Variants in APBB1IP observed in about 807,000 individuals in gnomAD.
APBB1IP encodes amyloid beta A4 precursor protein-binding family B member 1-interacting protein.
A neutral mutation model predicts 64.9 loss-of-function variants in APBB1IP; 27 were observed. That is an observed-to-expected ratio of 0.42 (90% confidence interval 0.31 to 0.57). The LOEUF (loss-of-function observed/expected upper bound fraction) is 0.57, where lower values mean the gene tolerates loss of function less well. APBB1IP is among the 20% of genes least tolerant of loss of function. APBB1IP has a pLI of 0.20. For missense variants in APBB1IP, 812 were observed against 845.5 expected, an observed-to-expected ratio of 0.96 and a Z score of 0.49; for synonymous variants, 392 against 331.0, an observed-to-expected ratio of 1.18 and a Z score of -2.00.
intron 11 of APBB1IP, among the ~76,000 whole-genome samples, chr10:26,555,251 T>C (rs1021807476): frequency 6.6e-6 from 1 of 152,164 alleles, no homozygotes; most frequent in Non-Finnish European, 1.5e-5. Context: ...TGTTTTAAAA[T>C]GTCCAGTGCC....
At chr10:26,460,156 A>T (rs1480021808) in intron 2 of APBB1IP, among the ~76,000 whole-genome samples, 2 of 152,248 alleles carry the variant, frequency 1.3e-5, no homozygotes, top group African/African-American at 4.8e-5. Flanking sequence ...CACTCTCTGT[A>T]AAGTTACTGA....
chr10:26,478,361 T>C (rs1588577841), intron 2 of APBB1IP, among the ~76,000 whole-genome samples: 1 of 151,688 alleles, frequency 6.6e-6, no homozygotes, highest in Non-Finnish European at 1.5e-5. Flanking sequence ...ATGGAGGCGG[T>C]TGAGAAGGTA....
At chr10:26,443,934 AG>A (rs2132391897) in intron 2 of APBB1IP, among the ~76,000 whole-genome samples, 1 of 152,376 alleles carries the variant, frequency 6.6e-6, no homozygotes, top group South Asian at 2.1e-4. Context: ...AAAGAGACAA[AG>A]ATCCCTGCAT....
At chr10:26,555,349 C>G (rs986901947) in intron 11 of APBB1IP, among the ~76,000 whole-genome samples, 1 of 152,216 alleles carries the variant, frequency 6.6e-6, no homozygotes, top group Non-Finnish European at 1.5e-5. Flanking sequence ...TCTGCTTCTT[C>G]ATTCCATGGT....
At position 26,563,759 on chromosome 10, in the gene APBB1IP, G is replaced by A. The variant is rs531840376; in HGVS notation, c.1473+1330G>A. ...CCCTTCATTTTGTCCATCAGCCAGT[G>A]GTGAAAACAACTAAATATTGGTATT... On this transcript the variant is annotated intron_variant, in intron 14 of 14. Transcript: ENST00000376236. 8.6e-4 allele frequency among the ~76,000 whole-genome samples: 131 copies of A among 152,174 alleles called. 2 individuals carry two copies. The South Asian group carries it at 0.026, about 31-fold the overall frequency.
At chr10:26,464,932 T>A (rs2132409355) in intron 2 of APBB1IP, among the ~76,000 whole-genome samples, 1 of 152,342 alleles carries the variant, frequency 6.6e-6, no homozygotes, top group East Asian at 1.9e-4. Flanking sequence ...TTCCTTATTC[T>A]CTGTTTTTAT....
intron 2 of APBB1IP, among the ~76,000 whole-genome samples, chr10:26,463,590 G>C (rs1185233260): frequency 6.6e-6 from 1 of 152,040 alleles, no homozygotes; most frequent in Non-Finnish European, 1.5e-5. Flanking sequence ...TGCTCTACTT[G>C]TTTTTTGGCT....
chr10:26,512,502 G>T (rs1047240607), intron 7 of APBB1IP, among the ~76,000 whole-genome samples: 3 of 152,094 alleles, frequency 2.0e-5, no homozygotes, highest in African/African-American at 7.2e-5. Context: ...GCTTTGTCTA[G>T]TGGAAGAGTT....
At chr10:26,449,938 T>A (rs988612557) in intron 2 of APBB1IP, among the ~76,000 whole-genome samples, 2 of 151,942 alleles carry the variant, frequency 1.3e-5, no homozygotes, top group African/African-American at 4.8e-5. Context: ...GCCCAGGAAG[T>A]CGAGCTGCAG....
At chr10:26,527,187 G>A (rs1057346728) in intron 8 of APBB1IP, among the ~76,000 whole-genome samples, 6 of 152,152 alleles carry the variant, frequency 3.9e-5, no homozygotes, top group African/African-American at 9.7e-5. Context: ...CCATGACTTC[G>A]GTGCCCTGGA....
chr10:26,453,576 C>T (rs1012204973), intron 2 of APBB1IP, among the ~76,000 whole-genome samples: 11 of 152,072 alleles, frequency 7.2e-5, no homozygotes, highest in Non-Finnish European at 1.3e-4. Context: ...TGGTGTTTGT[C>T]CCCTCTGGAC....
intron 8 of APBB1IP, among the ~76,000 whole-genome samples, chr10:26,517,331 G>T (rs968436257): frequency 6.6e-6 from 1 of 152,176 alleles, no homozygotes; most frequent in African/African-American, 2.4e-5. Context: ...CCTTCCTCCT[G>T]GCCCTTCCCA....
chr10:26,444,117 A>G (rs541575783), intron 2 of APBB1IP, among the ~76,000 whole-genome samples: 1 of 152,332 alleles, frequency 6.6e-6, no homozygotes, highest in Non-Finnish European at 1.5e-5. Flanking sequence ...CCAAGTGGCT[A>G]TCTGGGGGAA....
At position 26,438,448 on chromosome 10, in the gene APBB1IP, C is replaced by T. The variant is rs904936972; in HGVS notation, c.-210C>T. The T allele has an allele frequency of 1.0e-5, 1 of 96,098 alleles. No individual in the cohort carries two copies. Among genetic ancestry groups the T allele is most frequent in the South Asian group, 4.5e-4 (1 of 2,222 alleles). 6.0% of individuals were successfully genotyped at this position (96,098 alleles called of 1,614,324 possible). A position where few individuals can be genotyped will look rare whatever the true frequency, so the allele number is the denominator to read the frequency against. Reference sequence around the variant, plus strand: ...GACGCTCCTGAGAGAAGGGCGCGCGCGGCACAGGTAGGGGGAGGCGCAACG... The same window carrying T: ...GACGCTCCTGAGAGAAGGGCGCGCGTGGCACAGGTAGGGGGAGGCGCAACG... On this transcript the variant is annotated 5_prime_UTR_variant, in exon 1 of 15. Coordinates refer to ENST00000376236, the MANE Select transcript of APBB1IP (RefSeq NM_019043.4).
intron 10 of APBB1IP, among the ~76,000 whole-genome samples, chr10:26,536,463 A>G (rs1836624702): frequency 6.6e-6 from 1 of 152,108 alleles, no homozygotes; most frequent in Non-Finnish European, 1.5e-5. Context: ...GCACTTTTCT[A>G]GAGATTATTT....
At chr10:26,502,577 G>C (rs891596877) in intron 5 of APBB1IP, among the ~76,000 whole-genome samples, 4 of 151,642 alleles carry the variant, frequency 2.6e-5, no homozygotes, top group African/African-American at 9.7e-5. Flanking sequence ...AGGAGGCGGA[G>C]CTTGTAGTGA....
intron 4 of APBB1IP, among the ~76,000 whole-genome samples, chr10:26,496,635 C>T (rs1049652765): frequency 2.6e-5 from 4 of 151,840 alleles, no homozygotes; most frequent in Non-Finnish European, 5.9e-5. Context: ...GAAATGATCT[C>T]GTGTTTTAAA....
intron 1 of APBB1IP, 55 bp downstream of exon 1, chr10:26,438,510 T>C (rs892095608): frequency 9.3e-6 from 1 of 107,794 alleles, no homozygotes; most frequent in Non-Finnish European, 2.0e-5. Flanking sequence ...TAAAATAAAA[T>C]AAAAATCCCT....
At chr10:26,485,260 G>T (rs1835878236) in intron 2 of APBB1IP, among the ~76,000 whole-genome samples, 1 of 152,212 alleles carries the variant, frequency 6.6e-6, no homozygotes, top group Non-Finnish European at 1.5e-5. Flanking sequence ...GGCTCTGATA[G>T]TTCTCGGAAC....
Sources: gnomAD v4.1 joint callset for allele counts (sites outside exome capture counted in the v4.1 genomes callset) on GRCh38, gnomAD v4.1.1 for gene constraint, MANE v1.5 for transcripts, NCBI Gene and HGNC (gene_info 2026-07-23, HGNC 2026-07-21) for gene names.